The following AIG1 variants were observed in gnomAD, a reference collection of about 807,000 sequenced individuals.
AIG1 encodes androgen induced 1.
A neutral mutation model predicts 31.4 loss-of-function variants in AIG1; 23 were observed. The ratio of observed to expected loss-of-function variants is 0.73; its 90% CI spans 0.53 to 1.04. The LOEUF (loss-of-function observed/expected upper bound fraction) is 1.04, where lower values mean the gene tolerates loss of function less well. Ranked by LOEUF, AIG1 falls within the 50% of genes least tolerant of loss-of-function variation. The probability of loss-of-function intolerance (pLI) is 0.00; values close to 1 mark genes in which losing one functional copy is unlikely to be tolerated. For synonymous variants in AIG1, 100 were observed against 110.5 expected, an observed-to-expected ratio of 0.90 and a Z score of 0.60; for missense variants, 274 against 295.0, an observed-to-expected ratio of 0.93 and a Z score of 0.52.
At chr6:143,073,503 CA>C (rs1249063138) in intron 1 of AIG1, among the ~76,000 whole-genome samples, 1 of 152,188 alleles carries the variant, frequency 6.6e-6, no homozygotes, top group Non-Finnish European at 1.5e-5. Flanking sequence ...CAACAGTGTA[CA>C]AGAGTTCTCT....
Position 143,333,365 on chromosome 6 carries a change from T to C in AIG1, c.599T>C (p.Phe200Ser), listed in dbSNP as rs1777233259. Residue 200 changes from phenylalanine to serine, a missense_variant, in exon 5 of 6, where the codon TTT (phenylalanine) becomes TCT (serine). Around this residue, in one of 2 missense-constraint regions of AIG1, gnomAD observed 31 missense variants for 56.5 expected, o/e 0.55. Transcript: ENST00000357847. This position sits in a 1 kb window ranked among gnomAD's most constrained non-coding sequence, Gnocchi z 4.6. The part of the protein sequence containing the change: ...HIGPGARIIF[F>S]GSTTILMNFL... ...GGCCCAGGAGCCAGAATCATCTTCTTTGGGTCTACAACCATCTTAATGAAC... is the reference window on the plus strand; with the variant it reads ...GGCCCAGGAGCCAGAATCATCTTCTCTGGGTCTACAACCATCTTAATGAAC... The C allele has an allele frequency of 6.2e-7, 1 of 1,614,062 alleles. No individual in the cohort carries two copies. Among genetic ancestry groups the C allele is most frequent in the Non-Finnish European group, 8.5e-7 (1 of 1,179,966 alleles).
intron 3 of AIG1, among the ~76,000 whole-genome samples, chr6:143,165,433 A>C (rs72990403): frequency 0.029 from 4,358 of 152,300 alleles, 100 homozygotes; most frequent in Non-Finnish European, 0.046. Context: ...TTGGTGTGTC[A>C]GTGGTGTTAA....
At chr6:143,162,636 A>C (rs1209839608) in intron 2 of AIG1, among the ~76,000 whole-genome samples, 1 of 152,210 alleles carries the variant, frequency 6.6e-6, no homozygotes, top group African/African-American at 2.4e-5. Flanking sequence ...GATTTGCATC[A>C]GTGGCTCCAT....
At chr6:143,260,859 A>T (rs985926170) in intron 3 of AIG1, among the ~76,000 whole-genome samples, 2 of 152,230 alleles carry the variant, frequency 1.3e-5, no homozygotes, top group African/African-American at 4.8e-5. Flanking sequence ...AAAAGCCTGC[A>T]ATTCATTGAA....
downstream of AIG1, among the ~76,000 whole-genome samples, chr6:143,341,837 G>A (rs548996202): frequency 1.4e-4 from 21 of 152,304 alleles, no homozygotes; most frequent in South Asian, 6.2e-4. Flanking sequence ...TTACTTAGGC[G>A]GTGGCTCCAC....
intron 1 of AIG1, among the ~76,000 whole-genome samples, chr6:143,093,331 A>G (rs1562367767): frequency 1.3e-5 from 2 of 151,970 alleles, no homozygotes; most frequent in East Asian, 1.9e-4. Context: ...TCATGAATCG[A>G]CCTCTGCTAG....
At chr6:143,245,729 C>T (rs966014408) in intron 3 of AIG1, among the ~76,000 whole-genome samples, 15 of 152,028 alleles carry the variant, frequency 9.9e-5, no homozygotes, top group Admixed American at 2.0e-4. Context: ...ATGTTTTTTG[C>T]TCTCATTTAT....
At chr6:143,182,344 T>TTAGTGCCTGGTA (rs1268719348) in intron 3 of AIG1, among the ~76,000 whole-genome samples, 1 of 152,170 alleles carries the variant, frequency 6.6e-6, no homozygotes. Context: ...TTTTTTCTCT[T>TTAGTGCCTGGTA]TAGTGCCTGG....
At chr6:143,277,205 C>G (rs937945749) in intron 3 of AIG1, among the ~76,000 whole-genome samples, 1 of 152,078 alleles carries the variant, frequency 6.6e-6, no homozygotes, top group Admixed American at 6.6e-5. Context: ...ATTTTTAATA[C>G]CCTTTTGTTC....
intron 1 of AIG1, among the ~76,000 whole-genome samples, chr6:143,129,174 C>T (rs913859507): frequency 6.6e-6 from 1 of 152,006 alleles, no homozygotes; most frequent in African/African-American, 2.4e-5. Context: ...ACCTGTAGTC[C>T]CAGCTATTTG....
chr6:143,152,503 A>C (rs1438133469), intron 2 of AIG1, among the ~76,000 whole-genome samples: 1 of 152,184 alleles, frequency 6.6e-6, no homozygotes, highest in East Asian at 1.9e-4. Flanking sequence ...GTGGTTCCCT[A>C]ACATATTAAA....
At chr6:143,078,858 A>G (rs908207398) in intron 1 of AIG1, among the ~76,000 whole-genome samples, 1 of 152,222 alleles carries the variant, frequency 6.6e-6, no homozygotes, top group Non-Finnish European at 1.5e-5. Flanking sequence ...TCCTGTTAAA[A>G]TTCTGTGGAG....
intron 3 of AIG1, among the ~76,000 whole-genome samples, chr6:143,247,393 G>A (rs369211265): frequency 6.6e-6 from 1 of 152,188 alleles, no homozygotes; most frequent in Non-Finnish European, 1.5e-5. Context: ...GCCTCCCAAA[G>A]TGTATCCAAG....
intron 1 of AIG1, 119 bp from the exon 2 acceptor site, chr6:143,136,716 A>G: frequency 1.0e-6 from 1 of 1,001,056 alleles, no homozygotes. Context: ...CAGCTCTTTA[A>G]AATATGCTTC....
At chr6:143,143,332 T>TAA (rs555854641) in intron 2 of AIG1, among the ~76,000 whole-genome samples, 5 of 143,068 alleles carry the variant, frequency 3.5e-5, no homozygotes, top group African/African-American at 1.3e-4. Flanking sequence ...CCATCTCTAC[T>TAA]AAAAAAAAAA....
At chr6:143,237,662 A>G (rs1793909509) in intron 3 of AIG1, among the ~76,000 whole-genome samples, 1 of 152,226 alleles carries the variant, frequency 6.6e-6, no homozygotes, top group Admixed American at 6.5e-5. Context: ...TTGGAAAAAC[A>G]ATTTCTACTC....
chr6:143,171,479 TATATATTAA>T (rs1787581153), intron 3 of AIG1, among the ~76,000 whole-genome samples: 1 of 121,976 alleles, frequency 8.2e-6, no homozygotes, highest in South Asian at 2.3e-4. Context: ...ATATATATAA[TATATATTAA>T]ATATATAATA....
chr6:143,080,634 A>T, intron 1 of AIG1, among the ~76,000 whole-genome samples: 1 of 152,026 alleles, frequency 6.6e-6, no homozygotes, highest in Non-Finnish European at 1.5e-5. Context: ...AAAAAGAAAA[A>T]TATGACAAGG....
chr6:143,141,230 T>G (rs1455481545), intron 2 of AIG1, among the ~76,000 whole-genome samples: 1 of 152,220 alleles, frequency 6.6e-6, no homozygotes. Context: ...TATCAGTCTC[T>G]TTCTTTCTCT....
Sources: gnomAD v4.1 joint callset for allele counts (sites outside exome capture counted in the v4.1 genomes callset) on GRCh38, gnomAD v4.1.1 for gene constraint, gnomAD v4.1.1 regional missense constraint, Gnocchi (gnomAD v3.1) non-coding constraint, MANE v1.5 for transcripts, NCBI Gene and HGNC (gene_info 2026-07-23, HGNC 2026-07-21) for gene names.